The following AMPH variants were observed in gnomAD, a reference collection of about 807,000 sequenced individuals.
AMPH encodes amphiphysin (Stiff-Mann syndrome with breast cancer 128kD autoantigen).
Under a neutral mutation model 99.1 loss-of-function variants are expected in AMPH, and 49 were observed. The observed-to-expected ratio is 0.49, with a 90% CI of 0.39 to 0.63. AMPH has a LOEUF of 0.63. Ranked by LOEUF, AMPH falls within the 20% of genes least tolerant of loss-of-function variation. The pLI, the probability that AMPH is intolerant of heterozygous loss-of-function variation, is 0.00. For synonymous variants in AMPH, 314 were observed against 317.3 expected (o/e 0.99, Z 0.11); for missense variants, 759 against 863.4 (o/e 0.88, Z 1.52).
intron 1 of AMPH, among the ~76,000 whole-genome samples, chr7:38,589,663 ATC>A (rs906211644): frequency 2.3e-4 from 35 of 152,352 alleles, no homozygotes; most frequent in African/African-American, 8.4e-4. Context: ...TTAAAATTAT[ATC>A]TCTAAGAATA....
At chr7:38,409,276 T>A (rs977410287) in intron 17 of AMPH, among the ~76,000 whole-genome samples, 1 of 152,190 alleles carries the variant, frequency 6.6e-6, no homozygotes, top group Non-Finnish European at 1.5e-5. Flanking sequence ...TCTTGACTTG[T>A]CTGAAGTTCC....
At chr7:38,402,136 G>A (rs756876768) in intron 17 of AMPH, among the ~76,000 whole-genome samples, 1 of 152,026 alleles carries the variant, frequency 6.6e-6, no homozygotes, top group Non-Finnish European at 1.5e-5. Flanking sequence ...CTTTTCTCAT[G>A]TTATTGAGTT....
At chr7:38,568,683 G>A (rs1791834362) in intron 1 of AMPH, among the ~76,000 whole-genome samples, 1 of 152,164 alleles carries the variant, frequency 6.6e-6, no homozygotes, top group South Asian at 2.1e-4. Context: ...TCTGTCACAG[G>A]CATAAGGGGC....
chr7:38,509,048 T>C (rs1214535152), intron 2 of AMPH, among the ~76,000 whole-genome samples: 3 of 152,198 alleles, frequency 2.0e-5, no homozygotes, highest in Admixed American at 6.5e-5. Flanking sequence ...AATGGGAAGA[T>C]GTAAAAGCGC....
Position 38,465,463 on chromosome 7 carries a change from C to T in AMPH, c.749+4G>A. ...TACAGGTGCTCCAATGAGCAGGGGC[C>T]TACCTGGGCGCTCCTTGGATGGTGA... On this transcript the variant is annotated splice_donor_region_variant and intron_variant, in intron 9 of 20. Coordinates refer to ENST00000356264, the MANE Select transcript of AMPH (RefSeq NM_001635.4). 6 of 1,569,298 alleles carry T rather than the reference C, an allele frequency of 3.8e-6. No individual in the cohort carries two copies. Among genetic ancestry groups the T allele is most frequent in the Non-Finnish European group, 5.2e-6 (6 of 1,155,014 alleles).
At chr7:38,394,247 A>G in intron 17 of AMPH, 33 bp from the exon 18 acceptor site, 2 of 1,608,236 alleles carry the variant, frequency 1.2e-6, no homozygotes, top group Non-Finnish European at 1.7e-6. Context: ...CCACGTCTGC[A>G]TCTCCATGGG....
At chr7:38,434,759 A>C (rs564566767) in intron 12 of AMPH, among the ~76,000 whole-genome samples, 42 of 150,248 alleles carry the variant, frequency 2.8e-4, no homozygotes, top group African/African-American at 9.8e-4. Flanking sequence ...AAAAAAAAAG[A>C]AGCATGGAGA....
At chr7:38,548,099 G>A (rs769608404) in intron 1 of AMPH, among the ~76,000 whole-genome samples, 3 of 146,768 alleles carry the variant, frequency 2.0e-5, no homozygotes, top group African/African-American at 7.6e-5. Context: ...TGCGATCTCC[G>A]CTCACGGCAA....
chr7:38,492,389 C>A (rs773858465), intron 4 of AMPH, among the ~76,000 whole-genome samples: 1 of 152,196 alleles, frequency 6.6e-6, no homozygotes, highest in African/African-American at 2.4e-5. Flanking sequence ...CAAACTTGGG[C>A]CCCTCATACT....
Position 38,490,294 on chromosome 7 carries a change from G to A in AMPH, c.396+756C>T, listed in dbSNP as rs537765590. Among the ~76,000 whole-genome samples the A allele has an allele frequency of 6.6e-5, 10 of 152,254 alleles. No individual in the cohort carries two copies. In the South Asian group the frequency reaches 2.1e-3, roughly 32 times the overall value. On this transcript the variant is annotated intron_variant, in intron 5 of 20. Coordinates refer to ENST00000356264, the MANE Select transcript of AMPH (RefSeq NM_001635.4). The stretch of plus-strand genomic sequence containing the variant: ...ATGGTAACATCATCGAAAATCTACT[G>A]TTTGGATTTGCTCTATGTGGCATTT...
intron 2 of AMPH, among the ~76,000 whole-genome samples, chr7:38,522,264 C>T (rs1225909399): frequency 6.6e-6 from 1 of 152,104 alleles, no homozygotes; most frequent in African/African-American, 2.4e-5. Flanking sequence ...ACCTTTTCCT[C>T]GGGGCATTAA....
intron 2 of AMPH, among the ~76,000 whole-genome samples, chr7:38,532,229 G>A (rs2129039286): frequency 6.6e-6 from 1 of 152,030 alleles, no homozygotes; most frequent in East Asian, 1.9e-4. Flanking sequence ...ACAAACAGGG[G>A]TAAGGCACTC....
chr7:38,494,458 C>T lies in AMPH; in HGVS notation c.275G>A (p.Arg92Gln), dbSNP rs200060107. The T allele has an allele frequency of 4.5e-5, 73 of 1,613,776 alleles. No homozygotes were observed. Among genetic ancestry groups the T allele is most frequent in the Middle Eastern group, 1.6e-4 (1 of 6,080 alleles). The change falls in exon 4 of 21, where the codon CGG becomes CAG. Residue 92 changes from arginine to glutamine, a missense_variant. This residue lies in a region of AMPH where 205 missense variants were observed against 287.9 expected (regional missense o/e 0.71). Coordinates refer to ENST00000356264, the MANE Select transcript of AMPH (RefSeq NM_001635.4). The stretch of plus-strand genomic sequence containing the variant: ...CTCACCAACCATTTTCACATCTTCC[C>T]GCCCATACCAGTCAGGCTCATAGAC... ...HEVYEPDWYG[R>Q]EDVKMVGEKC...
intron 1 of AMPH, among the ~76,000 whole-genome samples, chr7:38,564,559 A>G (rs1480528007): frequency 6.6e-6 from 1 of 152,226 alleles, no homozygotes; most frequent in Non-Finnish European, 1.5e-5. Flanking sequence ...CCTCAGGGCC[A>G]CCATCATGAA....
intron 1 of AMPH, among the ~76,000 whole-genome samples, chr7:38,616,768 T>C (rs1179323523): frequency 2.0e-5 from 3 of 152,140 alleles, no homozygotes; most frequent in Admixed American, 1.3e-4. Context: ...ATTCCATTTA[T>C]ACAAGGTTCA....
At chr7:38,438,457 A>G (rs113856540) in intron 11 of AMPH, among the ~76,000 whole-genome samples, 2,712 of 152,268 alleles carry the variant, frequency 0.018, 80 homozygotes, top group African/African-American at 0.062. Context: ...CAGGCTGTCA[A>G]CTGATGCCCC....
rs1789870426 is a variant in AMPH at position 38,519,402 on chromosome 7, T to TAGG, written c.150+15528_150+15529insCCT. On this transcript the variant is annotated intron_variant, in intron 2 of 20. Coordinates refer to ENST00000356264, the MANE Select transcript of AMPH (RefSeq NM_001635.4). ...ACAAAACTCATAATTACAAAAGAAG[T>TAGG]TTCTCATACCAATTAATTGATATCA... Among the ~76,000 whole-genome samples, 10 of 152,260 alleles carry TAGG rather than the reference T, an allele frequency of 6.6e-5. No homozygotes were observed. In the South Asian group the frequency reaches 2.1e-3, roughly 32 times the overall value.
chr7:38,616,794 A>C (rs181416793), intron 1 of AMPH, among the ~76,000 whole-genome samples: 37 of 152,324 alleles, frequency 2.4e-4, no homozygotes, highest in Non-Finnish European at 4.7e-4. Context: ...AACTGAAATT[A>C]ATCTATGGGG....
At chr7:38,400,796 G>C (rs1584040440) in intron 17 of AMPH, among the ~76,000 whole-genome samples, 1 of 152,142 alleles carries the variant, frequency 6.6e-6, no homozygotes, top group Non-Finnish European at 1.5e-5. Context: ...TGTCAATCAC[G>C]CAACTGGTCG....
Sources: gnomAD v4.1 joint callset for allele counts (sites outside exome capture counted in the v4.1 genomes callset) on GRCh38, gnomAD v4.1.1 for gene constraint, gnomAD v4.1.1 regional missense constraint, MANE v1.5 for transcripts, NCBI Gene and HGNC (gene_info 2026-07-23, HGNC 2026-07-21) for gene names.